Variants in KCNIP1 observed in about 807,000 individuals in gnomAD.
The protein encoded by KCNIP1 is A-type potassium channel modulatory protein KCNIP1.
KCNIP1 carries 18 observed loss-of-function variants against 33.0 expected under a neutral mutation model. That is an observed-to-expected ratio of 0.55 (90% CI 0.38 to 0.81). The LOEUF (loss-of-function observed/expected upper bound fraction) is 0.81. Ranked by LOEUF, KCNIP1 falls within the 30% of genes least tolerant of loss-of-function variation. The pLI is 0.00. For missense variants in KCNIP1, 238 were observed against 271.6 expected, an observed-to-expected ratio of 0.88 and a Z score of 0.87; for synonymous variants, 93 against 98.3, an observed-to-expected ratio of 0.95 and a Z score of 0.32.
intron 1 of KCNIP1, among the ~76,000 whole-genome samples, chr5:170,432,731 C>T (rs1200769615): frequency 6.6e-6 from 1 of 150,574 alleles, no homozygotes; most frequent in African/African-American, 2.4e-5. Flanking sequence ...TACCTTGAAC[C>T]GGGCTCTTTC....
At chr5:170,445,338 G>C (rs1176521574) in intron 1 of KCNIP1, among the ~76,000 whole-genome samples, 1 of 152,124 alleles carries the variant, frequency 6.6e-6, no homozygotes, top group Admixed American at 6.5e-5. Flanking sequence ...CTTGCTGATC[G>C]GAGAGTCAAT....
chr5:170,447,372 T>C (rs1238871847), intron 1 of KCNIP1, among the ~76,000 whole-genome samples: 1 of 152,226 alleles, frequency 6.6e-6, no homozygotes, highest in African/African-American at 2.4e-5. Context: ...CCTCTCATCA[T>C]AAAGCTGGAA....
intron 1 of KCNIP1, among the ~76,000 whole-genome samples, chr5:170,534,789 T>G (rs1477795513): frequency 2.0e-5 from 3 of 151,880 alleles, no homozygotes; most frequent in African/African-American, 7.3e-5. Context: ...CTCAAAGTGC[T>G]GGGATTACCA....
chr5:170,367,283 C>T lies in KCNIP1; in HGVS notation c.88+13319C>T, dbSNP rs147923433. On this transcript the variant is annotated intron_variant, in intron 1 of 7. Transcript: ENST00000377360. ...GAGCCACAATCACACCACTGCACTCCGGCCTGGGCAACAAGAGCAAAACTC... is the reference window on the plus strand; with the variant it reads ...GAGCCACAATCACACCACTGCACTCTGGCCTGGGCAACAAGAGCAAAACTC... Among the ~76,000 whole-genome samples the T allele has an allele frequency of 1.7e-3, 252 of 148,462 alleles. 1 individual carries two copies. The highest frequency in any genetic ancestry group is 6.0e-3 in the African/African-American group (239 of 40,116).
upstream of KCNIP1, chr5:170,503,943 C>CCGGG: frequency 1.7e-6 from 1 of 602,090 alleles, no homozygotes; most frequent in Non-Finnish European, 2.1e-6. Flanking sequence ...CCGCCCCCAC[C>CCGGG]GTGCAGCCCT....
At chr5:170,424,317 G>C (rs1220596100) in intron 1 of KCNIP1, among the ~76,000 whole-genome samples, 1 of 152,176 alleles carries the variant, frequency 6.6e-6, no homozygotes. Flanking sequence ...CCCACAAGGA[G>C]GCATTACTGT....
intron 1 of KCNIP1, among the ~76,000 whole-genome samples, chr5:170,679,860 G>T (rs577731557): frequency 1.3e-5 from 2 of 151,748 alleles, no homozygotes; most frequent in African/African-American, 4.8e-5. Flanking sequence ...TTTTCTCACC[G>T]ATGAGCATGT....
chr5:170,625,133 G>A (rs1366768115), intron 1 of KCNIP1, among the ~76,000 whole-genome samples: 1 of 152,002 alleles, frequency 6.6e-6, no homozygotes, highest in Non-Finnish European at 1.5e-5. Flanking sequence ...CAGCCCTCTG[G>A]GTACTGAGGG....
upstream of KCNIP1, among the ~76,000 whole-genome samples, chr5:170,499,829 G>T (rs1038607981): frequency 1.3e-5 from 2 of 152,190 alleles, no homozygotes; most frequent in Admixed American, 1.3e-4. Context: ...GATTCCTGCA[G>T]GTCTGACAAT....
At chr5:170,502,528 C>T (rs953567890), upstream of KCNIP1, among the ~76,000 whole-genome samples, 2 of 152,050 alleles carry the variant, frequency 1.3e-5, no homozygotes, top group African/African-American at 4.8e-5. Flanking sequence ...CGTCTGCATG[C>T]CTGTGTGTTT....
chr5:170,564,707 C>T (rs535942587), intron 1 of KCNIP1, among the ~76,000 whole-genome samples: 36 of 152,254 alleles, frequency 2.4e-4, no homozygotes, highest in Admixed American at 1.6e-3. Flanking sequence ...CATCCTTCAC[C>T]CAGAAGCCTG....
intron 1 of KCNIP1, among the ~76,000 whole-genome samples, chr5:170,387,401 G>T (rs1400328395): frequency 6.6e-6 from 1 of 152,054 alleles, no homozygotes; most frequent in African/African-American, 2.4e-5. Flanking sequence ...AGAGATTCTT[G>T]ACTCCCTCCC....
intron 1 of KCNIP1, among the ~76,000 whole-genome samples, chr5:170,469,059 G>GAT (rs1231414465): frequency 6.6e-6 from 1 of 152,128 alleles, no homozygotes; most frequent in African/African-American, 2.4e-5. Flanking sequence ...TAAACAAAGA[G>GAT]ATATATTCTG....
chr5:170,500,717 C>A (rs143100792), upstream of KCNIP1, among the ~76,000 whole-genome samples: 1 of 152,122 alleles, frequency 6.6e-6, no homozygotes, highest in Non-Finnish European at 1.5e-5. Flanking sequence ...ATGTTGGCTG[C>A]ATTGTACAGT....
At chr5:170,458,647 C>T (rs1473455625) in intron 1 of KCNIP1, among the ~76,000 whole-genome samples, 1 of 152,148 alleles carries the variant, frequency 6.6e-6, no homozygotes, top group Non-Finnish European at 1.5e-5. Context: ...TAAACAAATG[C>T]TGAGAGAATT....
intron 1 of KCNIP1, among the ~76,000 whole-genome samples, chr5:170,654,805 G>T (rs1048438807): frequency 3.3e-5 from 5 of 152,190 alleles, no homozygotes; most frequent in African/African-American, 1.2e-4. Context: ...ACATCATCTG[G>T]TTAATGGTGT....
chr5:170,595,274 T>C (rs1758404823), intron 1 of KCNIP1, among the ~76,000 whole-genome samples: 1 of 152,222 alleles, frequency 6.6e-6, no homozygotes, highest in African/African-American at 2.4e-5. Flanking sequence ...GAGTTTCTGC[T>C]CTGAAGCAGA....
intron 1 of KCNIP1, among the ~76,000 whole-genome samples, chr5:170,472,544 C>T (rs912853760): frequency 1.3e-5 from 2 of 152,158 alleles, no homozygotes; most frequent in Admixed American, 1.3e-4. Context: ...GCAGTATACA[C>T]TGCACTCCAT....
At chr5:170,539,049 A>C (rs1423625962) in intron 1 of KCNIP1, among the ~76,000 whole-genome samples, 1 of 151,882 alleles carries the variant, frequency 6.6e-6, no homozygotes, top group African/African-American at 2.4e-5. Flanking sequence ...TGCAGGTCCT[A>C]TGATCATGGC....
Sources: allele counts gnomAD v4.1 joint callset (sites outside exome capture counted in the v4.1 genomes callset), GRCh38; gene constraint gnomAD v4.1.1; transcripts MANE v1.5; gene names NCBI Gene and HGNC (gene_info 2026-07-23, HGNC 2026-07-21).